Variants in KAT2A observed in about 807,000 individuals in gnomAD.
The protein encoded by KAT2A is lysine acetyltransferase 2A.
KAT2A carries 42 observed loss-of-function variants against 95.2 expected under a neutral mutation model. That is an observed-to-expected ratio of 0.44 (90% CI 0.34 to 0.57). The LOEUF is 0.57. Among genes scored for constraint, KAT2A ranks in the 20% least tolerant of loss-of-function variants. The pLI, the probability that KAT2A is intolerant of heterozygous loss-of-function variation, is 0.01. For missense variants in KAT2A, 784 were observed against 1,126.3 expected (o/e 0.70, Z 4.35); for synonymous variants, 449 against 448.2 (o/e 1.00, Z -0.02).
At position 42,120,689 on chromosome 17, in the gene KAT2A, G is replaced by A. The variant is rs782230108; in HGVS notation, c.463+17C>T. The stretch of plus-strand genomic sequence containing the variant: ...CCCAGCACCTGCCCCCAGCTCCAAG[G>A]GCGCTGCCTGCCTTACCCAAGGGGT... On this transcript the variant is annotated intron_variant, in intron 2 of 17. Transcript: ENST00000225916. 19 of 1,613,830 alleles carry A rather than the reference G, an allele frequency of 1.2e-5. No individual in the cohort carries two copies. The South Asian group carries it at 1.6e-4, about 14-fold the overall frequency.
intron 12 of KAT2A, 42 bp from the exon 13 acceptor site, chr17:42,115,077 T>G: frequency 6.2e-7 from 1 of 1,601,214 alleles, no homozygotes; most frequent in South Asian, 1.1e-5. Flanking sequence ...CCATAAGTAT[T>G]TCCCAACTTC....
chr17:42,118,024 A>G lies in KAT2A; in HGVS notation c.1181-7T>C, dbSNP rs1555666449. 1 of 1,420,890 alleles carries G rather than the reference A, an allele frequency of 7.0e-7. No individual in the cohort carries two copies. Among genetic ancestry groups the G allele is most frequent in the South Asian group, 1.3e-5 (1 of 75,628 alleles). 88.0% of individuals were successfully genotyped at this position (1,420,890 alleles called of 1,614,324 possible). Reference sequence around the variant, plus strand: ...ACCGCTGCACTGACTGAAGCTGAGGAGAGAGAGAGACGTCAGGGATGGGGG... The same window carrying G: ...ACCGCTGCACTGACTGAAGCTGAGGGGAGAGAGAGACGTCAGGGATGGGGG... On this transcript the variant is annotated splice_polypyrimidine_tract_variant and splice_region_variant and intron_variant, in intron 7 of 17. Transcript: ENST00000225916.
chr17:42,115,939 G>C, intron 11 of KAT2A, 106 bp from the exon 12 acceptor site: 2 of 744,046 alleles, frequency 2.7e-6, no homozygotes, highest in Non-Finnish European at 5.0e-6. Flanking sequence ...GAGGTAGAGA[G>C]AGCGAGAGCA....
Position 42,119,223 on chromosome 17 carries a change from G to A in KAT2A, c.1073+22C>T. The A allele has an allele frequency of 1.3e-6, 2 of 1,581,612 alleles. No homozygotes were observed. Among genetic ancestry groups the A allele is most frequent in the Non-Finnish European group, 1.7e-6 (2 of 1,160,168 alleles). ...GGATGTGAACTTGGGGCCAAATCCT[G>A]GTAGGCCAGAAGGAGCCTTACTTGG... On this transcript the variant is annotated intron_variant, in intron 6 of 17. Transcript: ENST00000225916. This position sits in a 1 kb window ranked among gnomAD's most constrained non-coding sequence, Gnocchi z 5.3.
chr17:42,120,432 C>A, intron 2 of KAT2A, 62 bp from the exon 3 acceptor site: 1 of 1,558,382 alleles, frequency 6.4e-7, no homozygotes, highest in Admixed American at 1.7e-5. Flanking sequence ...GCTTCTTGAC[C>A]CTCTTCACAG....
rs1166984967 is a variant in KAT2A, at chr17:42,113,833, G to A, written c.2330C>T (p.Thr777Ile). Residue 777 changes from threonine (T) to isoleucine (I), a missense_variant, in exon 18 of 18, where the codon ACC (threonine) becomes ATC (isoleucine). Thr to Ile is a moderately conservative substitution (Grantham distance 89). Transcript: ENST00000225916. The stretch of plus-strand genomic sequence containing the variant: ...GCGGCTTCGCAGCCGCTCAGTCATG[G>A]TCTTCAGGTCTGGGGCAGCAGGAGA... ...EVIRFPIDLK[T>I]MTERLRSRYY... 3 of 1,586,338 alleles carry A rather than the reference G, an allele frequency of 1.9e-6. No homozygotes were observed. Among genetic ancestry groups the A allele is most frequent in the East Asian group, 2.3e-5 (1 of 44,364 alleles).
At chr17:42,120,004 C>T (rs530630124) in intron 4 of KAT2A, 26 bp downstream of exon 4, 36 of 1,583,198 alleles carry the variant, frequency 2.3e-5, no homozygotes, top group East Asian at 2.2e-5. Context: ...TTCTCCTATC[C>T]GCTATCTCCA....
rs776629211 is a variant in KAT2A at position 42,119,352 on chromosome 17, G to A, written c.966C>T (p.Leu322=). 6 of 1,614,122 alleles carry A rather than the reference G, an allele frequency of 3.7e-6. No homozygotes were observed. Among genetic ancestry groups the A allele is most frequent in the Non-Finnish European group, 5.1e-6 (6 of 1,179,994 alleles). ...ETTHVFGRSL[L]RSIFTVTRRQ... is the part of the protein sequence containing the mutation. ...GGCGGGTAACGGTGAAAATGGACCG[G>A]AGAAGGCTTCGCCCAAAGACATGAG... Residue 322 remains leucine (L), a synonymous_variant, in exon 6 of 18, where the codon CTC becomes CTT. Transcript: ENST00000225916. This position sits in a 1 kb window ranked among gnomAD's most constrained non-coding sequence, Gnocchi z 5.3.
In KAT2A at chr17:42,113,423, TGGGCCCCAACCC is replaced by T; in HGVS notation, c.*214_*225del. The T allele has an allele frequency of 4.3e-6, 2 of 463,570 alleles. No individual in the cohort carries two copies. Among genetic ancestry groups the T allele is most frequent in the Non-Finnish European group, 7.6e-6 (2 of 264,204 alleles). The allele number at this position is 463,570 out of a possible 1,614,324, so 28.7% of individuals were successfully genotyped here. On this transcript the variant is annotated 3_prime_UTR_variant, in exon 18 of 18. Coordinates refer to ENST00000225916, the MANE Select transcript of KAT2A (RefSeq NM_021078.3). Reference sequence around the variant, plus strand: ...TGGCCACCAGCTACTCTAGAGGGGCTGGGCCCCAACCCAGGAGACCTCTCACACACAGTGAAG... The same window carrying T: ...TGGCCACCAGCTACTCTAGAGGGGCTAGGAGACCTCTCACACACAGTGAAG...
At position 42,114,790 on chromosome 17, in the gene KAT2A, C is replaced by T. The variant is rs2054230929; in HGVS notation, c.2019+102G>A. 2 of 1,324,092 alleles carry T rather than the reference C, an allele frequency of 1.5e-6. No individual in the cohort carries two copies. Among genetic ancestry groups the T allele is most frequent in the African/African-American group, 1.4e-5 (1 of 69,422 alleles). 82.0% of individuals were successfully genotyped at this position (1,324,092 alleles called of 1,614,324 possible). On this transcript the variant is annotated intron_variant, in intron 13 of 17. Coordinates refer to ENST00000225916, the MANE Select transcript of KAT2A (RefSeq NM_021078.3). This position sits in a 1 kb window ranked among gnomAD's most constrained non-coding sequence, Gnocchi z 6.0. ...CCTGGCCTGCCCCTCCTCACTCACACACATATATGCATGTAGACGTAGAAC... is the reference window on the plus strand; with the variant it reads ...CCTGGCCTGCCCCTCCTCACTCACATACATATATGCATGTAGACGTAGAAC...
intron 2 of KAT2A, 44 bp from the exon 3 acceptor site, chr17:42,120,414 TCAA>T (rs781882572): frequency 6.2e-7 from 1 of 1,601,844 alleles, no homozygotes. Context: ...ATAGAAGAAA[TCAA>T]CAAGGCTTCT....
At chr17:42,116,143 C>T (rs782684381) in intron 11 of KAT2A, among the ~76,000 whole-genome samples, 7 of 152,174 alleles carry the variant, frequency 4.6e-5, no homozygotes, top group Non-Finnish European at 1.0e-4. Context: ...AACTCAGCTA[C>T]GTTAGGAAAT....
At chr17:42,120,578 C>T (rs115611671) in intron 2 of KAT2A, 128 bp downstream of exon 2, 117 of 1,272,772 alleles carry the variant, frequency 9.2e-5, no homozygotes, top group African/African-American at 4.6e-4. Flanking sequence ...GTGCACACCC[C>T]CCCCCAACCC....
Position 42,113,799 on chromosome 17 carries a change from C to T in KAT2A, c.2364G>A (p.Val788=). Residue 788 remains valine (V), a synonymous_variant, in exon 18 of 18, where the codon GTG becomes GTA. Transcript: ENST00000225916. ...MTERLRSRYY[V]TRKLFVADLQ... Reference sequence around the variant, plus strand: ...GGTCGGCCACAAAGAGCTTCCGGGTCACGTAGTAGCGGCTTCGCAGCCGCT... The same window carrying T: ...GGTCGGCCACAAAGAGCTTCCGGGTTACGTAGTAGCGGCTTCGCAGCCGCT... 1 of 1,603,474 alleles carries T rather than the reference C, an allele frequency of 6.2e-7. No homozygotes were observed. Among genetic ancestry groups the T allele is most frequent in the Non-Finnish European group, 8.5e-7 (1 of 1,176,608 alleles).
intron 6 of KAT2A, 86 bp from the exon 7 acceptor site, chr17:42,118,489 G>C (rs547485470): frequency 1.1e-6 from 1 of 916,304 alleles, no homozygotes; most frequent in Non-Finnish European, 1.8e-6. Context: ...AGGCTGGTCA[G>C]AGACAGACCC....
At chr17:42,113,952 G>A in intron 17 of KAT2A, 48 bp downstream of exon 17, 2 of 1,486,898 alleles carry the variant, frequency 1.3e-6, no homozygotes, top group East Asian at 2.5e-5. Flanking sequence ...GCAGGAGCAG[G>A]TGTGGGGACA....
intron 17 of KAT2A, 73 bp from the exon 18 acceptor site, chr17:42,113,915 C>T: frequency 2.0e-6 from 3 of 1,472,440 alleles, no homozygotes; most frequent in Non-Finnish European, 2.7e-6. Flanking sequence ...CAGGGTGGGC[C>T]CCCTGGGGCT....
At position 42,119,465 on chromosome 17, in the gene KAT2A, G is replaced by T; in HGVS notation, c.882-29C>A. ...GAGTAGGGGGTCGAGGGGGAGACAG[G>T]TGAGGGCGGAAACCACTGAACCCAG... On this transcript the variant is annotated intron_variant, in intron 5 of 17. Coordinates refer to ENST00000225916, the MANE Select transcript of KAT2A (RefSeq NM_021078.3). This position sits in a 1 kb window ranked among gnomAD's most constrained non-coding sequence, Gnocchi z 5.3. 1 of 1,594,066 alleles carries T rather than the reference G, an allele frequency of 6.3e-7. No homozygotes were observed. Among genetic ancestry groups the T allele is most frequent in the Admixed American group, 1.7e-5 (1 of 58,798 alleles).
In KAT2A at chr17:42,119,117, C is replaced by G; in HGVS notation, c.1073+128G>C. The G allele has an allele frequency of 2.7e-6, 4 of 1,501,480 alleles. No individual in the cohort carries two copies. The highest frequency in any genetic ancestry group is 2.7e-6 in the Non-Finnish European group (3 of 1,126,818). 93.0% of individuals were successfully genotyped at this position (1,501,480 alleles called of 1,614,324 possible). On this transcript the variant is annotated intron_variant, in intron 6 of 17. Transcript: ENST00000225916. The surrounding 1 kb of genome is among the most constrained non-coding windows in gnomAD (Gnocchi z 5.3). ...GCCATGGGCAAGTCTGCCAGGTAGA[C>G]GCCCAGATCCCAAAAGGCCCATGGA...
Sources: allele counts gnomAD v4.1 joint callset (sites outside exome capture counted in the v4.1 genomes callset), GRCh38; gene constraint gnomAD v4.1.1; non-coding constraint Gnocchi (gnomAD v3.1); transcripts MANE v1.5; gene names NCBI Gene and HGNC (gene_info 2026-07-23, HGNC 2026-07-21).